Variants in C10orf90 observed in about 807,000 individuals in gnomAD.
C10orf90 encodes the protein chromosome 10 open reading frame 90.
In C10orf90, 56 loss-of-function variants were observed where a neutral mutation model predicts 62.5. That is an observed-to-expected ratio of 0.90 (90% CI 0.72 to 1.12). The LOEUF (loss-of-function observed/expected upper bound fraction) is 1.12, where lower values mean the gene tolerates loss of function less well. Among genes scored for constraint, C10orf90 ranks in the 50% most tolerant of loss-of-function variants. C10orf90 has a pLI of 0.00. For missense variants in C10orf90, 970 were observed against 880.4 expected, an observed-to-expected ratio of 1.10 and a Z score of -1.29; for synonymous variants, 386 against 340.4, an observed-to-expected ratio of 1.13 and a Z score of -1.47.
At chr10:126,660,397 T>C (rs114965283) in intron 1 of C10orf90, among the ~76,000 whole-genome samples, 1,921 of 152,338 alleles carry the variant, frequency 0.013, 39 homozygotes, top group African/African-American at 0.044. Flanking sequence ...CCTTCTGGCC[T>C]TGAAGAAGCA....
At chr10:126,600,124 G>T (rs977052690) in intron 2 of C10orf90, among the ~76,000 whole-genome samples, 2 of 147,714 alleles carry the variant, frequency 1.4e-5, no homozygotes, top group African/African-American at 2.7e-5. Context: ...TGTGCACGCA[G>T]GTGTGTGCAT....
chr10:126,474,992 C>T (rs756082802), intron 4 of C10orf90, among the ~76,000 whole-genome samples: 31 of 152,232 alleles, frequency 2.0e-4, no homozygotes, highest in Non-Finnish European at 3.2e-4. Flanking sequence ...AAGGAATGGA[C>T]ATCATTTTGA....
intron 4 of C10orf90, among the ~76,000 whole-genome samples, chr10:126,497,831 A>T (rs1862153091): frequency 1.3e-5 from 2 of 152,226 alleles, no homozygotes; most frequent in African/African-American, 4.8e-5. Flanking sequence ...TTTCAATACA[A>T]CTATTTACAA....
chr10:126,523,001 T>A (rs1011295995), intron 2 of C10orf90: 1 of 152,222 alleles, frequency 6.6e-6, no homozygotes, highest in African/African-American at 2.4e-5. Flanking sequence ...CTCAGCACAG[T>A]GCTATCATGG....
chr10:126,571,262 T>A (rs1476526421), intron 2 of C10orf90, among the ~76,000 whole-genome samples: 1 of 152,190 alleles, frequency 6.6e-6, no homozygotes, highest in Non-Finnish European at 1.5e-5. Flanking sequence ...CAAGAATCAT[T>A]CATTCTTGAC....
At chr10:126,581,826 G>A (rs1489781118) in intron 2 of C10orf90, among the ~76,000 whole-genome samples, 1 of 152,186 alleles carries the variant, frequency 6.6e-6, no homozygotes, top group Admixed American at 6.5e-5. Flanking sequence ...TGACTCAGAT[G>A]CCACCAGTCA....
At chr10:126,593,365 A>G (rs1355065745) in intron 2 of C10orf90, among the ~76,000 whole-genome samples, 1 of 152,214 alleles carries the variant, frequency 6.6e-6, no homozygotes, top group African/African-American at 2.4e-5. Context: ...CATAAAAAGA[A>G]ACAAAATCAT....
intron 7 of C10orf90, among the ~76,000 whole-genome samples, chr10:126,439,284 T>G (rs1337686241): frequency 6.6e-6 from 1 of 152,116 alleles, no homozygotes; most frequent in South Asian, 2.1e-4. Context: ...CTCCACCCAA[T>G]GTTCTCACAC....
intron 4 of C10orf90, among the ~76,000 whole-genome samples, chr10:126,495,207 G>C (rs1861977078): frequency 6.6e-6 from 1 of 152,152 alleles, no homozygotes; most frequent in Non-Finnish European, 1.5e-5. Flanking sequence ...CACTGACTGA[G>C]ACATGTTCAC....
chr10:126,581,843 C>T (rs748134138), intron 2 of C10orf90, among the ~76,000 whole-genome samples: 5 of 152,194 alleles, frequency 3.3e-5, no homozygotes, highest in African/African-American at 7.2e-5. Context: ...GTCAGACAGG[C>T]GCCTGTGGAC....
chr10:126,464,576 GA>G (rs1860172228), intron 5 of C10orf90, 119 bp downstream of exon 5: 3 of 1,126,436 alleles, frequency 2.7e-6, no homozygotes, highest in Non-Finnish European at 3.8e-6. Flanking sequence ...CTCCCAGTTG[GA>G]GAAGGGGAGG....
chr10:126,661,142 G>A (rs1036680349), intron 1 of C10orf90, among the ~76,000 whole-genome samples: 1 of 152,144 alleles, frequency 6.6e-6, no homozygotes, highest in Middle Eastern at 3.2e-3. Context: ...GGTCACAGGA[G>A]CAGCATCCAT....
At chr10:126,622,628 C>T (rs1475461506) in intron 2 of C10orf90, among the ~76,000 whole-genome samples, 1 of 152,136 alleles carries the variant, frequency 6.6e-6, no homozygotes, top group Non-Finnish European at 1.5e-5. Context: ...GGTTGAGGAC[C>T]CCTCCTTTAT....
intron 2 of C10orf90, among the ~76,000 whole-genome samples, chr10:126,581,180 T>G (rs189589341): frequency 6.6e-6 from 1 of 152,204 alleles, no homozygotes; most frequent in African/African-American, 2.4e-5. Flanking sequence ...CTCCGTCTCA[T>G]GTAGCCTCTG....
intron 2 of C10orf90, among the ~76,000 whole-genome samples, chr10:126,566,633 G>A (rs1226925980): frequency 1.3e-5 from 2 of 152,216 alleles, no homozygotes; most frequent in Non-Finnish European, 2.9e-5. Context: ...GCACCTTGAA[G>A]CAGGAAGGAC....
chr10:126,448,668 A>G (rs1858962142), intron 7 of C10orf90, among the ~76,000 whole-genome samples: 1 of 152,190 alleles, frequency 6.6e-6, no homozygotes, highest in African/African-American at 2.4e-5. Flanking sequence ...AGAGAAGACA[A>G]ATCAAATGAA....
At chr10:126,535,546 C>G (rs145953542) in intron 2 of C10orf90, among the ~76,000 whole-genome samples, 1 of 151,664 alleles carries the variant, frequency 6.6e-6, no homozygotes, top group Non-Finnish European at 1.5e-5. Flanking sequence ...GTCTTCTGTC[C>G]GACAAGTTAA....
At chr10:126,534,575 C>T (rs1247392832) in intron 2 of C10orf90, among the ~76,000 whole-genome samples, 1 of 152,154 alleles carries the variant, frequency 6.6e-6, no homozygotes, top group Non-Finnish European at 1.5e-5. Context: ...ATCCAAAAAG[C>T]ACATCCTCCA....
chr10:126,483,547 T>G (rs897874867), intron 4 of C10orf90, among the ~76,000 whole-genome samples: 5 of 152,232 alleles, frequency 3.3e-5, no homozygotes, highest in Admixed American at 1.3e-4. Context: ...GGTGATATTT[T>G]AGCCTAGTCA....
Sources: allele counts gnomAD v4.1 joint callset (sites outside exome capture counted in the v4.1 genomes callset), GRCh38; gene constraint gnomAD v4.1.1; transcripts MANE v1.5; gene names NCBI Gene and HGNC (gene_info 2026-07-23, HGNC 2026-07-21).